The following GRM7 variants were observed in gnomAD, a reference collection of about 807,000 sequenced individuals.
GRM7 encodes glutamate metabotropic receptor 7, also known as metabotropic glutamate receptor 7.
Under a neutral mutation model 84.5 loss-of-function variants are expected in GRM7, and 35 were observed. That is an observed-to-expected ratio of 0.41 (90% CI 0.32 to 0.55). The LOEUF (loss-of-function observed/expected upper bound fraction) is 0.55. Ranked by LOEUF, GRM7 falls within the 20% of genes least tolerant of loss-of-function variation. GRM7 has a pLI of 0.19. For synonymous variants in GRM7, 487 were observed against 455.1 expected, an observed-to-expected ratio of 1.07 and a Z score of -0.89; for missense variants, 1,003 against 1,194.6, an observed-to-expected ratio of 0.84 and a Z score of 2.36.
At chr3:6,927,495 A>AAGAAAGAG (rs1559333420) in intron 1 of GRM7, among the ~76,000 whole-genome samples, 1 of 146,430 alleles carries the variant, frequency 6.8e-6, no homozygotes, top group East Asian at 1.9e-4. Flanking sequence ...GAAAGAAAGA[A>AAGAAAGAG]AGAAAGAAAG....
chr3:7,554,373 C>G (rs2125029161), intron 7 of GRM7, among the ~76,000 whole-genome samples: 1 of 152,288 alleles, frequency 6.6e-6, no homozygotes, highest in East Asian at 1.9e-4. Flanking sequence ...TACACGGGCA[C>G]TTCAGGCTGG....
chr3:7,681,306 A>G (rs1250301381), intron 9 of GRM7: 1 of 152,198 alleles, frequency 6.6e-6, no homozygotes, highest in African/African-American at 2.4e-5. Flanking sequence ...TTGGTGTCAA[A>G]TGCTTAATGC....
chr3:7,608,419 T>C (rs1696694066), intron 8 of GRM7, among the ~76,000 whole-genome samples: 1 of 152,210 alleles, frequency 6.6e-6, no homozygotes, highest in African/African-American at 2.4e-5. Context: ...ATAGCCATTC[T>C]GACTGCTGTG....
At chr3:7,397,747 T>C (rs1695270980) in intron 4 of GRM7, among the ~76,000 whole-genome samples, 1 of 152,018 alleles carries the variant, frequency 6.6e-6, no homozygotes, top group African/African-American at 2.4e-5. Context: ...TTAAGGGAGA[T>C]TTTCCTCTAA....
chr3:7,365,660 TATATAC>T (rs1559269357), intron 4 of GRM7, among the ~76,000 whole-genome samples: 9 of 145,398 alleles, frequency 6.2e-5, no homozygotes, highest in Admixed American at 2.7e-4. Context: ...TATATATATA[TATATAC>T]ACACACGCAC....
chr3:7,169,996 G>A (rs776764818), intron 2 of GRM7, among the ~76,000 whole-genome samples: 3 of 151,508 alleles, frequency 2.0e-5, no homozygotes, highest in Non-Finnish European at 2.9e-5. Context: ...CAGACCCCTG[G>A]GCCTCATCCG....
At chr3:7,139,276 G>T (rs1267609706) in intron 1 of GRM7, among the ~76,000 whole-genome samples, 2 of 151,510 alleles carry the variant, frequency 1.3e-5, no homozygotes, top group Non-Finnish European at 3.0e-5. Flanking sequence ...AAAGATGCTG[G>T]AAATAGTTGG....
intron 1 of GRM7, among the ~76,000 whole-genome samples, chr3:6,887,368 T>C (rs1695737263): frequency 6.6e-6 from 1 of 152,076 alleles, no homozygotes; most frequent in Non-Finnish European, 1.5e-5. Context: ...CTCCTAATGC[T>C]ATCCCTCCCC....
At chr3:7,204,288 T>C (rs1298198483) in intron 2 of GRM7, among the ~76,000 whole-genome samples, 4 of 152,186 alleles carry the variant, frequency 2.6e-5, no homozygotes, top group African/African-American at 9.7e-5. Flanking sequence ...ATGATCTCTT[T>C]CAGTGGTTCT....
chr3:7,156,308 T>C (rs115459804), intron 2 of GRM7, among the ~76,000 whole-genome samples: 148 of 152,354 alleles, frequency 9.7e-4, no homozygotes, highest in African/African-American at 3.4e-3. Flanking sequence ...TATATTGCAC[T>C]ATTTTCTGGA....
At chr3:7,458,449 G>C (rs1289510497) in intron 6 of GRM7, among the ~76,000 whole-genome samples, 2 of 152,088 alleles carry the variant, frequency 1.3e-5, no homozygotes, top group Non-Finnish European at 2.9e-5. Context: ...AGGAGATGTG[G>C]GGATTAAAAA....
chr3:7,286,520 C>G (rs1301820964), intron 2 of GRM7, among the ~76,000 whole-genome samples: 1 of 152,162 alleles, frequency 6.6e-6, no homozygotes, highest in East Asian at 1.9e-4. Context: ...ATAGCCTTCT[C>G]ATTAATTTTT....
intron 2 of GRM7, among the ~76,000 whole-genome samples, chr3:7,283,225 G>A (rs1435754957): frequency 1.3e-5 from 2 of 152,150 alleles, no homozygotes; most frequent in Non-Finnish European, 2.9e-5. Context: ...GTGTGACTCA[G>A]AGAGAAAGGT....
intron 7 of GRM7, among the ~76,000 whole-genome samples, chr3:7,537,094 A>G (rs946505155): frequency 1.3e-5 from 2 of 152,166 alleles, no homozygotes; most frequent in Non-Finnish European, 2.9e-5. Context: ...ATGGCTCTTC[A>G]GAGCTGCAGG....
intron 7 of GRM7, among the ~76,000 whole-genome samples, chr3:7,545,526 A>C (rs1693106622): frequency 6.6e-6 from 1 of 152,196 alleles, no homozygotes; most frequent in Non-Finnish European, 1.5e-5. Context: ...AACCTTGCAC[A>C]ATGCAGTAGT....
At chr3:7,357,875 A>C (rs1693479978) in intron 4 of GRM7, among the ~76,000 whole-genome samples, 1 of 152,142 alleles carries the variant, frequency 6.6e-6, no homozygotes, top group African/African-American at 2.4e-5. Context: ...GTAATAAATA[A>C]GCAATTATTT....
intron 4 of GRM7, among the ~76,000 whole-genome samples, chr3:7,351,190 C>T (rs1027597289): frequency 6.6e-6 from 1 of 151,792 alleles, no homozygotes; most frequent in Non-Finnish European, 1.5e-5. Flanking sequence ...GTGATGTGCC[C>T]TATAATTGCC....
At chr3:7,524,040 C>G (rs1198105373) in intron 7 of GRM7, among the ~76,000 whole-genome samples, 1 of 152,098 alleles carries the variant, frequency 6.6e-6, no homozygotes, top group African/African-American at 2.4e-5. Flanking sequence ...GGTGCTGGAT[C>G]TGAGAATTCA....
intron 8 of GRM7, among the ~76,000 whole-genome samples, chr3:7,632,794 C>T (rs1697913792): frequency 6.6e-6 from 1 of 152,142 alleles, no homozygotes; most frequent in African/African-American, 2.4e-5. Context: ...CAATCTATTT[C>T]CCAGCTGCAT....
Sources: gnomAD v4.1 joint callset for allele counts (sites outside exome capture counted in the v4.1 genomes callset) on GRCh38, gnomAD v4.1.1 for gene constraint, MANE v1.5 for transcripts, NCBI Gene and HGNC (gene_info 2026-07-23, HGNC 2026-07-21) for gene names.